The following VTI1A variants were observed in gnomAD, a reference collection of about 807,000 sequenced individuals.
VTI1A encodes vesicle transport through interaction with t-SNAREs 1A.
A neutral mutation model predicts 34.9 loss-of-function variants in VTI1A; 22 were observed. The observed-to-expected ratio is 0.63, with a 90% CI of 0.45 to 0.90. The LOEUF (loss-of-function observed/expected upper bound fraction) is 0.90, where lower values mean the gene tolerates loss of function less well. Among genes scored for constraint, VTI1A ranks in the 40% least tolerant of loss-of-function variants. The pLI is 0.00. For synonymous variants in VTI1A, 87 were observed against 97.3 expected (o/e 0.89, Z 0.62); for missense variants, 268 against 275.6 (o/e 0.97, Z 0.20).
chr10:112,823,715 TG>T (rs1197564844), downstream of VTI1A: 1 of 152,228 alleles, frequency 6.6e-6, no homozygotes, highest in Non-Finnish European at 1.5e-5. Flanking sequence ...GTTCCGCCTC[TG>T]GACGGCCTCT....
chr10:112,528,506 A>G (rs1850317608), intron 4 of VTI1A, among the ~76,000 whole-genome samples: 2 of 151,998 alleles, frequency 1.3e-5, no homozygotes, highest in African/African-American at 4.8e-5. Flanking sequence ...GCTAAAGGAA[A>G]AAAAAAATAG....
intron 7 of VTI1A, among the ~76,000 whole-genome samples, chr10:112,793,374 G>T (rs1406003284): frequency 2.6e-5 from 4 of 152,194 alleles, no homozygotes; most frequent in Non-Finnish European, 5.9e-5. Context: ...GTTAGCATCT[G>T]AGGCTGTATA....
chr10:112,577,968 AT>A (rs1331061974), intron 5 of VTI1A, among the ~76,000 whole-genome samples: 2 of 152,210 alleles, frequency 1.3e-5, no homozygotes, highest in Non-Finnish European at 2.9e-5. Flanking sequence ...AATAACGCTT[AT>A]CCGACCTCAT....
chr10:112,457,394 A>G (rs1463810080), intron 1 of VTI1A, among the ~76,000 whole-genome samples: 1 of 152,218 alleles, frequency 6.6e-6, no homozygotes, highest in Non-Finnish European at 1.5e-5. Context: ...GATGACTGAG[A>G]CATGGTTCTT....
chr10:112,837,594 T>C, the VTI1A span, among the ~76,000 whole-genome samples: 2 of 152,208 alleles, frequency 1.3e-5, no homozygotes, highest in Non-Finnish European at 2.9e-5. Flanking sequence ...TCTGAGCAAT[T>C]CGCTGGCCCT....
chr10:112,497,045 C>T (rs768843438), intron 3 of VTI1A, among the ~76,000 whole-genome samples: 2 of 152,080 alleles, frequency 1.3e-5, no homozygotes, highest in African/African-American at 2.4e-5. Context: ...GAGCTGGGTG[C>T]GGTGGCTTAT....
chr10:112,756,291 G>A (rs1851281096), intron 7 of VTI1A, among the ~76,000 whole-genome samples: 1 of 152,124 alleles, frequency 6.6e-6, no homozygotes, highest in African/African-American at 2.4e-5. Context: ...GGTGGGGCGG[G>A]GCAGTGTGTT....
intron 7 of VTI1A, among the ~76,000 whole-genome samples, chr10:112,721,997 T>C (rs1227627704): frequency 6.6e-6 from 1 of 152,132 alleles, no homozygotes; most frequent in Non-Finnish European, 1.5e-5. Context: ...AACTATGAAA[T>C]TGTGGATCTT....
At chr10:112,664,212 A>C (rs188338344) in intron 5 of VTI1A, among the ~76,000 whole-genome samples, 5 of 152,352 alleles carry the variant, frequency 3.3e-5, no homozygotes, top group Admixed American at 3.3e-4. Context: ...TGCATATTCC[A>C]AATGACTAAT....
intron 4 of VTI1A, among the ~76,000 whole-genome samples, chr10:112,531,114 T>TGCGCGC (rs142898727): frequency 0.067 from 7,675 of 113,824 alleles, 400 homozygotes; most frequent in African/African-American, 0.15. Context: ...CGTGCGCACG[T>TGCGCGC]GCGCGCGCGC....
chr10:112,665,739 A>G (rs183532325), intron 5 of VTI1A, among the ~76,000 whole-genome samples: 107 of 152,292 alleles, frequency 7.0e-4, no homozygotes, highest in South Asian at 5.2e-3. Flanking sequence ...GACTTCTCCA[A>G]TGCTACACTG....
intron 7 of VTI1A, among the ~76,000 whole-genome samples, chr10:112,673,206 T>G (rs1024953907): frequency 1.3e-5 from 2 of 151,594 alleles, no homozygotes; most frequent in Non-Finnish European, 2.9e-5. Context: ...TCCCAGCTAC[T>G]TGGGAAGCTG....
chr10:112,634,519 A>T (rs10885363), intron 5 of VTI1A, among the ~76,000 whole-genome samples: 17 of 45,000 alleles, frequency 3.8e-4, no homozygotes, highest in African/African-American at 7.9e-4. Context: ...ACACATACAC[A>T]CACACACACA....
At chr10:112,674,862 A>G (rs11196051) in intron 7 of VTI1A, among the ~76,000 whole-genome samples, 39,910 of 152,084 alleles carry the variant, frequency 0.26, 5,881 homozygotes, top group East Asian at 0.55. Flanking sequence ...TTTGTGAATC[A>G]GAACCAGTTT....
intron 5 of VTI1A, among the ~76,000 whole-genome samples, chr10:112,547,217 C>T (rs1851163475): frequency 6.6e-6 from 1 of 151,824 alleles, no homozygotes; most frequent in Non-Finnish European, 1.5e-5. Flanking sequence ...GAGGTCGAGG[C>T]TGCAGTAAGC....
At chr10:112,490,876 A>G (rs894766680) in intron 3 of VTI1A, among the ~76,000 whole-genome samples, 2 of 152,154 alleles carry the variant, frequency 1.3e-5, no homozygotes, top group Non-Finnish European at 2.9e-5. Context: ...TCTAGCTGCT[A>G]TGCATATAGC....
intron 6 of VTI1A, among the ~76,000 whole-genome samples, chr10:112,668,694 G>A (rs966174142): frequency 6.6e-6 from 1 of 152,084 alleles, no homozygotes; most frequent in South Asian, 2.1e-4. Flanking sequence ...TTTTCAGCCT[G>A]TGCTTTGCTT....
chr10:112,507,611 TC>T (rs1849475017), intron 3 of VTI1A, among the ~76,000 whole-genome samples: 1 of 152,168 alleles, frequency 6.6e-6, no homozygotes, highest in African/African-American at 2.4e-5. Flanking sequence ...AGCACGGACT[TC>T]CTTTAGTTCT....
chr10:112,620,777 C>A (rs938658688), intron 5 of VTI1A, among the ~76,000 whole-genome samples: 1 of 143,848 alleles, frequency 7.0e-6, no homozygotes, highest in South Asian at 2.2e-4. Context: ...GCAATAAGAC[C>A]GAAACTCCAT....
Sources: allele counts gnomAD v4.1 joint callset (sites outside exome capture counted in the v4.1 genomes callset), GRCh38; gene constraint gnomAD v4.1.1; transcripts MANE v1.5; gene names NCBI Gene and HGNC (gene_info 2026-07-23, HGNC 2026-07-21).